Variants in PICALM observed in about 807,000 individuals in gnomAD.
PICALM encodes phosphatidylinositol-binding clathrin assembly protein.
In PICALM, 40 loss-of-function variants were observed where a neutral mutation model predicts 80.5. The observed-to-expected ratio is 0.50, with a 90% CI of 0.39 to 0.65. The LOEUF (loss-of-function observed/expected upper bound fraction) is 0.65, where lower values mean the gene tolerates loss of function less well. PICALM is among the 30% of genes least tolerant of loss of function. The probability of loss-of-function intolerance (pLI) is 0.00; values close to 1 mark genes in which losing one functional copy is unlikely to be tolerated. For synonymous variants in PICALM, 288 were observed against 260.3 expected, an observed-to-expected ratio of 1.11 and a Z score of -1.02; for missense variants, 676 against 778.9, an observed-to-expected ratio of 0.87 and a Z score of 1.57.
chr11:86,006,484 T>TA lies in PICALM; in HGVS notation c.807+1057dup, dbSNP rs549957511. Among the ~76,000 whole-genome samples the TA allele has an allele frequency of 3.1e-3, 473 of 152,164 alleles. 3 individuals are homozygous for TA. Among genetic ancestry groups the TA allele is most frequent in the Non-Finnish European group, 4.8e-3 (325 of 68,000 alleles). The stretch of plus-strand genomic sequence containing the variant: ...CTAATATGGAAAACCCCGTCTCTAC[T>TA]AAAAATACGAAAATTAGCTGGGCGT... On this transcript the variant is annotated intron_variant, in intron 8 of 19. Transcript: ENST00000393346.
chr11:86,047,304 G>A (rs749894560), intron 1 of PICALM, among the ~76,000 whole-genome samples: 10 of 152,152 alleles, frequency 6.6e-5, no homozygotes, highest in Non-Finnish European at 1.2e-4. Context: ...GCCACCTCTT[G>A]TCTGGTTTAG....
At chr11:85,982,295 T>C (rs1039330764) in intron 14 of PICALM, 8 of 253,080 alleles carry the variant, frequency 3.2e-5, no homozygotes, top group Middle Eastern at 1.4e-3. Flanking sequence ...AAAACAAATG[T>C]AATTCTCCTG....
intron 17 of PICALM, 128 bp downstream of exon 17, chr11:85,981,001 C>A: frequency 1.8e-6 from 1 of 568,030 alleles, no homozygotes; most frequent in South Asian, 2.5e-5. Context: ...GAAAGAAATA[C>A]AATTACTTAT....
intron 1 of PICALM, among the ~76,000 whole-genome samples, chr11:86,046,567 T>C (rs1241702272): frequency 2.0e-5 from 3 of 152,198 alleles, no homozygotes; most frequent in African/African-American, 7.2e-5. Context: ...ACCTTTCCAA[T>C]ACACTGTCAT....
chr11:85,990,524 T>G, intron 12 of PICALM, 125 bp from the exon 13 acceptor site: 1 of 464,020 alleles, frequency 2.2e-6, no homozygotes, highest in Non-Finnish European at 3.5e-6. Flanking sequence ...CTTAAATATC[T>G]AAATTATCAA....
intron 19 of PICALM, among the ~76,000 whole-genome samples, chr11:85,965,802 ATTTTGTTTTTTTGTTTTTTTTTT>A (rs1327863028): frequency 2.1e-3 from 217 of 105,774 alleles, no homozygotes; most frequent in African/African-American, 7.5e-3. Context: ...TGCATTACCC[ATTTTGTTTTTTTGTTTTTTTTTT>A]TTTTTTTTTT....
At chr11:85,992,794 C>G (rs1052923840) in intron 12 of PICALM, among the ~76,000 whole-genome samples, 3 of 152,232 alleles carry the variant, frequency 2.0e-5, no homozygotes, top group African/African-American at 7.2e-5. Context: ...ATCCGCTGTT[C>G]TACTGACAGA....
intron 4 of PICALM, among the ~76,000 whole-genome samples, chr11:86,015,366 T>TA (rs1173873397): frequency 6.6e-6 from 1 of 152,186 alleles, no homozygotes; most frequent in East Asian, 1.9e-4. Flanking sequence ...AAAAAACAGT[T>TA]AAACACTCTG....
rs576784138 is a variant in PICALM, at chr11:86,053,221, G to A, written c.130+15430C>T. ...TCCATAAGCAGGGAACTGCACCTCA[G>A]TATGTTAAAACTGCAACCTAACTCG... On this transcript the variant is annotated intron_variant, in intron 1 of 19. Coordinates refer to ENST00000393346, the MANE Select transcript of PICALM (RefSeq NM_007166.4). Among the ~76,000 whole-genome samples, 9 of 152,348 alleles carry A rather than the reference G, an allele frequency of 5.9e-5. No homozygotes were observed. In the East Asian group the frequency reaches 1.7e-3, roughly 29 times the overall value.
In PICALM at chr11:86,003,415, A is replaced by G. The variant is rs1311119229; in HGVS notation, c.844T>C (p.Leu282=). 6.2e-7 allele frequency: 1 copy of G among 1,601,042 alleles called. No individual in the cohort carries two copies. The change falls in exon 9 of 20, where the codon TTA becomes CTA. Residue 282 remains leucine (L), a synonymous_variant. Coordinates refer to ENST00000393346, the MANE Select transcript of PICALM (RefSeq NM_007166.4). ...ATTTTCTTTCCTTCCAAGGAAGCTA[A>G]ATGTTGTTCCAAAGCATCAAGAAGA... ...SSLLDALEQH[L]ASLEGKKIKD...
intron 1 of PICALM, among the ~76,000 whole-genome samples, chr11:86,043,934 A>C (rs1175854938): frequency 6.6e-6 from 1 of 152,210 alleles, no homozygotes; most frequent in Non-Finnish European, 1.5e-5. Context: ...GTTCCGTTCC[A>C]TGTCCCCAAT....
At chr11:85,964,041 T>C (rs185554388) in intron 19 of PICALM, among the ~76,000 whole-genome samples, 5 of 151,354 alleles carry the variant, frequency 3.3e-5, no homozygotes, top group African/African-American at 4.9e-5. Flanking sequence ...AAAAAGTCTA[T>C]TGATAGACTA....
intron 19 of PICALM, among the ~76,000 whole-genome samples, chr11:85,972,751 AAAT>A (rs1167459761): frequency 6.6e-6 from 1 of 152,290 alleles, no homozygotes; most frequent in South Asian, 2.1e-4. Context: ...TCTTGTACCA[AAAT>A]AATAATAATA....
chr11:86,011,127 A>T lies in PICALM; in HGVS notation c.668T>A (p.Phe223Tyr). Residue 223 changes from phenylalanine (F) to tyrosine (Y), a missense_variant, in exon 7 of 20, where the codon TTT (phenylalanine) becomes TAT (tyrosine). By Grantham distance (22) the Phe-to-Tyr change is conservative. Coordinates refer to ENST00000393346, the MANE Select transcript of PICALM (RefSeq NM_007166.4). ...EGIINLLEKYFDMKKNQCKEG... is the reference protein window; with the variant it reads ...EGIINLLEKYYDMKKNQCKEG... ...TTTGCATTGGTTCTTTTTCATATCA[A>T]AATATTTTTCTGACAAAATAAATGT... 7.4e-7 allele frequency: 1 copy of T among 1,350,600 alleles called. No individual in the cohort carries two copies. The highest frequency in any genetic ancestry group is 1.0e-6 in the Non-Finnish European group (1 of 959,962). 83.7% of individuals were successfully genotyped at this position (1,350,600 alleles called of 1,614,324 possible). A position where few individuals can be genotyped will look rare whatever the true frequency, so the allele number is the denominator to read the frequency against.
At chr11:86,022,788 T>C (rs1202680084) in intron 3 of PICALM, among the ~76,000 whole-genome samples, 1 of 112,938 alleles carries the variant, frequency 8.9e-6, no homozygotes. Flanking sequence ...TTTACACAAC[T>C]TGATAATCTC....
chr11:86,039,943 G>A (rs925544126), intron 1 of PICALM, among the ~76,000 whole-genome samples: 1 of 146,600 alleles, frequency 6.8e-6, no homozygotes, highest in Non-Finnish European at 1.5e-5. Context: ...GGCGGAGCTT[G>A]CAGTGAGCCG....
At chr11:86,013,243 AGTTG>A (rs1213594973) in intron 5 of PICALM, among the ~76,000 whole-genome samples, 2 of 152,094 alleles carry the variant, frequency 1.3e-5, no homozygotes, top group Non-Finnish European at 2.9e-5. Flanking sequence ...TGAGCCCAGG[AGTTG>A]GAGGCTGCAA....
intron 4 of PICALM, among the ~76,000 whole-genome samples, chr11:86,015,314 A>AT (rs1282163079): frequency 6.6e-6 from 1 of 152,172 alleles, no homozygotes; most frequent in Non-Finnish European, 1.5e-5. Flanking sequence ...CAGTTTTACC[A>AT]TTTTTTAAAA....
intron 1 of PICALM, among the ~76,000 whole-genome samples, chr11:86,063,121 T>A (rs1270607028): frequency 6.6e-6 from 1 of 152,210 alleles, no homozygotes; most frequent in Admixed American, 6.5e-5. Flanking sequence ...CTATTCTAAA[T>A]GATTATCATG....
Sources: allele counts gnomAD v4.1 joint callset (sites outside exome capture counted in the v4.1 genomes callset), GRCh38; gene constraint gnomAD v4.1.1; transcripts MANE v1.5; gene names NCBI Gene and HGNC (gene_info 2026-07-23, HGNC 2026-07-21).